Variants in RPS6KC1 observed in about 807,000 individuals in gnomAD.
The protein encoded by RPS6KC1 is inactive ribosomal protein S6 kinase delta-1.
Under a neutral mutation model 103.8 loss-of-function variants are expected in RPS6KC1, and 54 were observed. The observed-to-expected ratio is 0.52, with a 90% CI of 0.42 to 0.65. RPS6KC1 has a LOEUF of 0.65. Ranked by LOEUF, RPS6KC1 falls within the 30% of genes least tolerant of loss-of-function variation. RPS6KC1 has a pLI of 0.00. For synonymous variants in RPS6KC1, 439 were observed against 438.7 expected (o/e 1.00, Z -0.01); for missense variants, 1,151 against 1,253.8 (o/e 0.92, Z 1.24).
the RPS6KC1 span, among the ~76,000 whole-genome samples, chr1:213,565,943 G>A: frequency 7.2e-6 from 1 of 139,502 alleles, no homozygotes. Context: ...TGGGCAACAA[G>A]AGTGAAACTC....
the RPS6KC1 span, among the ~76,000 whole-genome samples, chr1:213,291,622 C>T: frequency 9.9e-5 from 15 of 152,134 alleles, no homozygotes; most frequent in Admixed American, 2.0e-4. Flanking sequence ...AAAATTGGAG[C>T]CCAGAGAGAC....
the RPS6KC1 span, among the ~76,000 whole-genome samples, chr1:213,539,275 G>T: frequency 1.7e-4 from 26 of 152,254 alleles, no homozygotes; most frequent in Admixed American, 7.8e-4. Context: ...CATTGACACT[G>T]TAAGCAGTGG....
chr1:213,650,176 A>G, the RPS6KC1 span, among the ~76,000 whole-genome samples: 1 of 152,082 alleles, frequency 6.6e-6, no homozygotes, highest in Non-Finnish European at 1.5e-5. Context: ...TGTCACCTCC[A>G]TTAATTGTCA....
intron 12 of RPS6KC1, among the ~76,000 whole-genome samples, chr1:213,250,221 T>C (rs1294410680): frequency 1.4e-4 from 21 of 152,308 alleles, no homozygotes; most frequent in Non-Finnish European, 1.5e-5. Flanking sequence ...ACATATCCCC[T>C]GTCACCTTGC....
intron 3 of RPS6KC1, among the ~76,000 whole-genome samples, chr1:213,103,932 A>G (rs2082241380): frequency 6.6e-6 from 1 of 152,180 alleles, no homozygotes; most frequent in Non-Finnish European, 1.5e-5. Flanking sequence ...GCATGCTGTT[A>G]TGTATGCTGA....
chr1:213,819,634 G>A, the RPS6KC1 span: 5 of 152,198 alleles, frequency 3.3e-5, no homozygotes, highest in East Asian at 1.9e-4. Flanking sequence ...ACCTCTGTGA[G>A]GTTTTGTGAA....
At chr1:213,099,210 A>C (rs2081779767) in intron 3 of RPS6KC1, among the ~76,000 whole-genome samples, 1 of 152,180 alleles carries the variant, frequency 6.6e-6, no homozygotes, top group African/African-American at 2.4e-5. Context: ...TCTTTATTAA[A>C]TATATTAGTT....
the RPS6KC1 span, among the ~76,000 whole-genome samples, chr1:213,708,662 A>C: frequency 6.6e-6 from 1 of 152,194 alleles, no homozygotes; most frequent in Non-Finnish European, 1.5e-5. Flanking sequence ...GTTTTTGCCC[A>C]TTAAGTATGA....
At chr1:213,262,486 C>T (rs892062081) in intron 13 of RPS6KC1, among the ~76,000 whole-genome samples, 3 of 152,208 alleles carry the variant, frequency 2.0e-5, no homozygotes, top group Middle Eastern at 3.4e-3. Context: ...TAACTAAGGA[C>T]GACGGGACAG....
chr1:213,116,842 G>A (rs564652943), intron 4 of RPS6KC1, among the ~76,000 whole-genome samples: 160 of 152,124 alleles, frequency 1.1e-3, no homozygotes, highest in Admixed American at 8.1e-3. Context: ...GAAATTCTGG[G>A]TTGAAAATTC....
the RPS6KC1 span, among the ~76,000 whole-genome samples, chr1:213,304,663 C>T: frequency 6.6e-6 from 1 of 152,010 alleles, no homozygotes; most frequent in Non-Finnish European, 1.5e-5. Flanking sequence ...TTGCCTTAGC[C>T]TCCCGAGTAG....
At chr1:213,366,518 GC>G in the RPS6KC1 span, among the ~76,000 whole-genome samples, 1 of 152,198 alleles carries the variant, frequency 6.6e-6, no homozygotes. Context: ...GGCTTTGTGG[GC>G]CACACAGTCT....
At chr1:213,266,858 G>A (rs568810931) in intron 14 of RPS6KC1, among the ~76,000 whole-genome samples, 50 of 151,630 alleles carry the variant, frequency 3.3e-4, no homozygotes, top group Admixed American at 2.2e-3. Flanking sequence ...AGCCGAGATC[G>A]CGCCACTGCA....
the RPS6KC1 span, among the ~76,000 whole-genome samples, chr1:213,470,593 A>G: frequency 6.7e-6 from 1 of 149,794 alleles, no homozygotes; most frequent in African/African-American, 2.5e-5. Flanking sequence ...GTCAGCTAGA[A>G]TATTTCTTTT....
chr1:213,527,332 T>C, the RPS6KC1 span, among the ~76,000 whole-genome samples: 1 of 152,210 alleles, frequency 6.6e-6, no homozygotes, highest in Non-Finnish European at 1.5e-5. Flanking sequence ...CCTTTGCAAT[T>C]TTCTGCAAAT....
chr1:213,417,591 G>A, the RPS6KC1 span, among the ~76,000 whole-genome samples: 1 of 152,094 alleles, frequency 6.6e-6, no homozygotes, highest in South Asian at 2.1e-4. Context: ...TGGGAAGGGA[G>A]GTGGTGGGAA....
the RPS6KC1 span, among the ~76,000 whole-genome samples, chr1:213,666,969 A>G: frequency 6.6e-6 from 1 of 152,346 alleles, no homozygotes; most frequent in Non-Finnish European, 1.5e-5. Flanking sequence ...CTCAGACCCA[A>G]GACGTATGGA....
chr1:213,586,996 G>A, the RPS6KC1 span, among the ~76,000 whole-genome samples: 3 of 152,214 alleles, frequency 2.0e-5, no homozygotes, highest in African/African-American at 7.2e-5. Flanking sequence ...CTTCGGGGGT[G>A]ACTCACTTCC....
the RPS6KC1 span, among the ~76,000 whole-genome samples, chr1:213,512,912 A>G: frequency 6.6e-6 from 1 of 152,216 alleles, no homozygotes; most frequent in Non-Finnish European, 1.5e-5. Context: ...GTCAACTGGA[A>G]AAAGTCAGCT....
Sources: allele counts gnomAD v4.1 joint callset (sites outside exome capture counted in the v4.1 genomes callset), GRCh38; gene constraint gnomAD v4.1.1; transcripts MANE v1.5; gene names NCBI Gene and HGNC (gene_info 2026-07-23, HGNC 2026-07-21).